Variants in RAB40C observed in about 807,000 individuals in gnomAD.
RAB40C encodes RAB40C, member RAS oncogene family, also known as ras-related protein Rab-40C.
Under a neutral mutation model 28.1 loss-of-function variants are expected in RAB40C, and 8 were observed. The observed-to-expected ratio is 0.28, with a 90% CI of 0.17 to 0.51. RAB40C has a LOEUF of 0.51. Ranked by LOEUF, RAB40C falls within the 20% of genes least tolerant of loss-of-function variation. The pLI is 0.97. For missense variants in RAB40C, 288 were observed against 405.9 expected (o/e 0.71, Z 2.50); for synonymous variants, 201 against 171.7 (o/e 1.17, Z -1.34).
At position 610,809 on chromosome 16, in the gene RAB40C, C is replaced by T. The variant is rs1042049006; in HGVS notation, c.143-6399C>T. On this transcript the variant is annotated intron_variant, in intron 1 of 5. Coordinates refer to ENST00000248139, the MANE Select transcript of RAB40C (RefSeq NM_021168.5). This position sits in a 1 kb window ranked among gnomAD's most constrained non-coding sequence, Gnocchi z 4.6. ...TAATTGAGACCTTCCAGGCCAAGGG[C>T]CCCCTCCCCAGGATCCTGACACCTG... 6.6e-6 allele frequency among the ~76,000 whole-genome samples: 1 copy of T among 151,492 alleles called. No individual in the cohort carries two copies. Among genetic ancestry groups the T allele is most frequent in the Non-Finnish European group, 1.5e-5 (1 of 67,876 alleles).
chr16:591,717 G>A (rs572524598), intron 1 of RAB40C, among the ~76,000 whole-genome samples: 65 of 151,480 alleles, frequency 4.3e-4, no homozygotes, highest in African/African-American at 1.6e-3. Flanking sequence ...TCAGCCTCCC[G>A]AGTAGCTGGG....
At chr16:619,708 T>C (rs55798945) in intron 3 of RAB40C, among the ~76,000 whole-genome samples, 9 of 152,002 alleles carry the variant, frequency 5.9e-5, no homozygotes, top group African/African-American at 1.9e-4. Context: ...GGATCCTTCT[T>C]GGGGGAAGGT....
At chr16:623,368 G>A (rs2036761326) in intron 3 of RAB40C, among the ~76,000 whole-genome samples, 1 of 152,158 alleles carries the variant, frequency 6.6e-6, no homozygotes, top group Non-Finnish European at 1.5e-5. Context: ...AATCATGCTG[G>A]GCCGGGCGCG....
chr16:627,696 A>G lies in RAB40C; in HGVS notation c.*74A>G. ...GACACTCCTGGCTGGACGCCAGGCC[A>G]GTGCCGCCTACGTGGAGACTGTCCA... On this transcript the variant is annotated 3_prime_UTR_variant, in exon 6 of 6. Transcript: ENST00000248139. 6.8e-7 allele frequency: 1 copy of G among 1,465,578 alleles called. No homozygotes were observed. The highest frequency in any genetic ancestry group is 1.4e-5 in the South Asian group (1 of 73,082). The allele number at this position is 1,465,578 out of a possible 1,614,324, so 90.8% of individuals were successfully genotyped here.
rs548898545 is a variant in RAB40C, at chr16:620,230, G to A, written c.264+1970G>A. 1.5e-4 allele frequency among the ~76,000 whole-genome samples: 23 copies of A among 152,214 alleles called. No individual in the cohort carries two copies. In the South Asian group the frequency reaches 4.6e-3, roughly 30 times the overall value. ...CAACATGGTGAAACCCCATCTCTAC[G>A]AAAAATACAAAAATTAGCCGAGCAT... is the stretch of plus-strand genomic sequence containing the variant. On this transcript the variant is annotated intron_variant, in intron 3 of 5. Transcript: ENST00000248139.
chr16:615,381 C>A (rs939560778), intron 1 of RAB40C, among the ~76,000 whole-genome samples: 1 of 152,206 alleles, frequency 6.6e-6, no homozygotes, highest in Non-Finnish European at 1.5e-5. Context: ...GACACACACA[C>A]AAGCCCACTG....
chr16:591,670 C>A (rs1567182148), intron 1 of RAB40C, among the ~76,000 whole-genome samples: 1 of 151,634 alleles, frequency 6.6e-6, no homozygotes, highest in Non-Finnish European at 1.5e-5. Context: ...CAGCTCACTG[C>A]AACCTCCGCC....
chr16:589,755 A>G (rs923674865), upstream of RAB40C: 1 of 152,098 alleles, frequency 6.6e-6, no homozygotes, highest in African/African-American at 2.4e-5. Context: ...GCAGGAGGCG[A>G]GTGGCCAATG....
chr16:607,644 A>T (rs1320913233), intron 1 of RAB40C, among the ~76,000 whole-genome samples: 1 of 151,744 alleles, frequency 6.6e-6, no homozygotes, highest in Non-Finnish European at 1.5e-5. Flanking sequence ...ACAAAAAATT[A>T]GGCAGGCGCG....
chr16:605,288 A>G (rs906126698), intron 1 of RAB40C, among the ~76,000 whole-genome samples: 7 of 152,232 alleles, frequency 4.6e-5, no homozygotes, highest in African/African-American at 1.7e-4. Context: ...AATGCATGAG[A>G]GTTCCAGGTG....
chr16:597,772 G>C (rs905324790), intron 1 of RAB40C, among the ~76,000 whole-genome samples: 2 of 151,590 alleles, frequency 1.3e-5, no homozygotes, highest in African/African-American at 4.8e-5. Flanking sequence ...TTACAGGCAT[G>C]AGCCACTGTG....
intron 1 of RAB40C, 149 bp from the exon 2 acceptor site, chr16:617,059 T>A: frequency 1.2e-6 from 1 of 808,502 alleles, no homozygotes; most frequent in Non-Finnish European, 2.0e-6. Flanking sequence ...GCCCCGAGAT[T>A]TCCCCCTGCC....
intron 1 of RAB40C, among the ~76,000 whole-genome samples, chr16:615,034 C>T (rs1035034804): frequency 3.3e-5 from 5 of 152,218 alleles, no homozygotes; most frequent in African/African-American, 1.2e-4. Context: ...TCCTTCTTGT[C>T]TTGGAAACGA....
rs2036905225 is a variant in RAB40C at position 629,188 on chromosome 16, C to T, written c.*1566C>T. 1 of 233,502 alleles carries T rather than the reference C, an allele frequency of 4.3e-6. No homozygotes were observed. Among genetic ancestry groups the T allele is most frequent in the African/African-American group, 2.2e-5 (1 of 45,082 alleles). The allele number at this position is 233,502 out of a possible 1,614,324, so 14.5% of individuals were successfully genotyped here. A position where few individuals can be genotyped will look rare whatever the true frequency, so the allele number is the denominator to read the frequency against. ...CCTGCATTCACGGCATCAACACTAC[C>T]CGCGCTGCTGTTAGACACTCCGCCA... On this transcript the variant is annotated 3_prime_UTR_variant, in exon 6 of 6. Coordinates refer to ENST00000248139, the MANE Select transcript of RAB40C (RefSeq NM_021168.5).
rs574115054 is a variant in RAB40C at position 625,051 on chromosome 16, C to T, written c.265-381C>T. On this transcript the variant is annotated intron_variant, in intron 3 of 5. Coordinates refer to ENST00000248139, the MANE Select transcript of RAB40C (RefSeq NM_021168.5). ...CCCCCACTCAGCTCTGTCCCAGGTA[C>T]TCCCGGGGGGATTCACTGATGGACT... 75 of 1,294,720 alleles carry T rather than the reference C, an allele frequency of 5.8e-5. 2 individuals carry two copies. In the South Asian group the frequency reaches 8.4e-4, roughly 14 times the overall value. The allele number at this position is 1,294,720 out of a possible 1,614,324, so 80.2% of individuals were successfully genotyped here.
chr16:604,933 T>C (rs1198128656), intron 1 of RAB40C, among the ~76,000 whole-genome samples: 2 of 152,056 alleles, frequency 1.3e-5, no homozygotes, highest in Non-Finnish European at 2.9e-5. Flanking sequence ...GTGGTGGTGC[T>C]TGTGGTCCCA....
At chr16:599,553 A>G (rs1325966080) in intron 1 of RAB40C, among the ~76,000 whole-genome samples, 1 of 152,228 alleles carries the variant, frequency 6.6e-6, no homozygotes, top group Non-Finnish European at 1.5e-5. Flanking sequence ...GGTGTTCGCT[A>G]CTGTCAGCGT....
chr16:627,528 G>A lies in RAB40C; in HGVS notation c.752G>A (p.Gly251Asp), dbSNP rs201836577. The A allele has an allele frequency of 3.1e-6, 5 of 1,613,566 alleles. No individual in the cohort carries two copies. Among genetic ancestry groups the A allele is most frequent in the Non-Finnish European group, 2.5e-6 (3 of 1,179,954 alleles). Residue 251 changes from glycine (G) to aspartate (D), a missense_variant, in exon 6 of 6, where the codon GGC becomes GAC. Around this residue, in one of 3 missense-constraint regions of RAB40C, gnomAD observed 57 missense variants for 55.3 expected, o/e 1.03. Coordinates refer to ENST00000248139, the MANE Select transcript of RAB40C (RefSeq NM_021168.5). ...CTGGCCAGCGGGGCCGGGGGCGGCG[G>A]CAGCAAGGGCAACAGCCTCAAGAGG... is the stretch of plus-strand genomic sequence containing the variant. Reference protein sequence around the residue: ...YSLASGAGGGGSKGNSLKRSK... With the variant: ...YSLASGAGGGDSKGNSLKRSK...
Position 590,371 on chromosome 16 carries a change from A to G in RAB40C, c.80A>G (p.Lys27Arg). The change falls in exon 1 of 6, where the codon AAG (lysine) becomes AGG (arginine). Residue 27 changes from lysine to arginine, a missense_variant. Physicochemically the swap from Lys to Arg is conservative, Grantham distance 26. Around this residue, in one of 3 missense-constraint regions of RAB40C, gnomAD observed 78 missense variants for 88.2 expected, o/e 0.88. Transcript: ENST00000248139. Reference protein sequence around the residue: ...FLLVGDSDVGKGEILESLQDG... With the variant: ...FLLVGDSDVGRGEILESLQDG... ...CTGGTGGGCGACAGCGACGTGGGCAAGGGCGAGATCCTGGAGAGCCTGCAG... is the reference window on the plus strand; with the variant it reads ...CTGGTGGGCGACAGCGACGTGGGCAGGGGCGAGATCCTGGAGAGCCTGCAG... 1 of 1,598,104 alleles carries G rather than the reference A, an allele frequency of 6.3e-7. No individual in the cohort carries two copies. The highest frequency in any genetic ancestry group is 8.5e-7 in the Non-Finnish European group (1 of 1,173,874).
Sources: gnomAD v4.1 joint callset for allele counts (sites outside exome capture counted in the v4.1 genomes callset) on GRCh38, gnomAD v4.1.1 for gene constraint, gnomAD v4.1.1 regional missense constraint, Gnocchi (gnomAD v3.1) non-coding constraint, MANE v1.5 for transcripts, NCBI Gene and HGNC (gene_info 2026-07-23, HGNC 2026-07-21) for gene names.